Variants in ACVR1C observed in about 807,000 individuals in gnomAD.
The protein encoded by ACVR1C is activin A receptor type 1C.
A neutral mutation model predicts 57.9 loss-of-function variants in ACVR1C; 23 were observed. The ratio of observed to expected loss-of-function variants is 0.40; its 90% CI spans 0.29 to 0.56. ACVR1C has a LOEUF of 0.56. ACVR1C is among the 20% of genes least tolerant of loss of function. The probability of loss-of-function intolerance (pLI) is 0.50; values close to 1 mark genes in which losing one functional copy is unlikely to be tolerated. For missense variants in ACVR1C, 480 were observed against 607.9 expected (o/e 0.79, Z 2.21); for synonymous variants, 214 against 215.3 (o/e 0.99, Z 0.05).
intron 4 of ACVR1C, among the ~76,000 whole-genome samples, chr2:157,549,050 A>T (rs1469290876): frequency 6.6e-6 from 1 of 152,136 alleles, no homozygotes; most frequent in Non-Finnish European, 1.5e-5. Flanking sequence ...CTGGTTGGTA[A>T]ATAGCTGCTA....
In ACVR1C at chr2:157,531,142, T is replaced by C. The variant is rs1687341589; in HGVS notation, c.*2776A>G. On this transcript the variant is annotated 3_prime_UTR_variant, in exon 9 of 9. Transcript: ENST00000243349. ...CACAATGGGACTCCATTAAAAACAA[T>C]ATAACATTTGACAGCATAAGTATAT... 1 of 151,304 alleles carries C rather than the reference T, an allele frequency of 6.6e-6. No individual in the cohort carries two copies. Among genetic ancestry groups the C allele is most frequent in the Non-Finnish European group, 1.5e-5 (1 of 67,790 alleles). The allele number at this position is 151,304 out of a possible 1,614,324, so 9.4% of individuals were successfully genotyped here. A position where few individuals can be genotyped will look rare whatever the true frequency, so the allele number is the denominator to read the frequency against.
At chr2:157,553,708 A>C (rs1687976554) in intron 3 of ACVR1C, among the ~76,000 whole-genome samples, 1 of 152,224 alleles carries the variant, frequency 6.6e-6, no homozygotes, top group African/African-American at 2.4e-5. Flanking sequence ...GATTAAGCAG[A>C]GAGTTATTTA....
chr2:157,533,967 A>G lies in ACVR1C; in HGVS notation c.1433T>C (p.Ile478Thr). ...NGAARLTALR[I>T]KKTISQLCVK... is the part of the protein sequence containing the mutation. ...ACAAAGTTGAGATATAGTCTTCTTA[A>G]TACGAAGAGCAGTTAGGCGGGCCGC... The change falls in exon 9 of 9, where the codon ATT (isoleucine) becomes ACT (threonine). Residue 478 changes from isoleucine to threonine, a missense_variant. Physicochemically the swap from Ile to Thr is moderately conservative, Grantham distance 89. Coordinates refer to ENST00000243349, the MANE Select transcript of ACVR1C (RefSeq NM_145259.3). The G allele has an allele frequency of 6.3e-7, 1 of 1,596,402 alleles. No individual in the cohort carries two copies.
At chr2:157,626,416 T>C (rs1682898477) in intron 1 of ACVR1C, among the ~76,000 whole-genome samples, 1 of 152,222 alleles carries the variant, frequency 6.6e-6, no homozygotes, top group Admixed American at 6.5e-5. Context: ...GTAAAAAAGG[T>C]TTACTGGTTT....
chr2:157,529,632 T>C lies in ACVR1C; in HGVS notation c.*4286A>G, dbSNP rs1687312362. On this transcript the variant is annotated 3_prime_UTR_variant, in exon 9 of 9. Coordinates refer to ENST00000243349, the MANE Select transcript of ACVR1C (RefSeq NM_145259.3). ...TACACAAAATTGGAATAACTTTATA[T>C]AATCTCTGAGAGTACTAAGGGATTC... The C allele has an allele frequency of 1.3e-5, 2 of 152,082 alleles. No homozygotes were observed. The highest frequency in any genetic ancestry group is 4.8e-5 in the African/African-American group (2 of 41,432). 9.4% of individuals were successfully genotyped at this position (152,082 alleles called of 1,614,324 possible). A position where few individuals can be genotyped will look rare whatever the true frequency, so the allele number is the denominator to read the frequency against.
intron 1 of ACVR1C, among the ~76,000 whole-genome samples, chr2:157,615,981 G>A (rs992579288): frequency 1.3e-5 from 2 of 152,048 alleles, no homozygotes; most frequent in Non-Finnish European, 2.9e-5. Context: ...TGGTCTATTG[G>A]TGTAGGGTTT....
intron 1 of ACVR1C, chr2:157,597,605 C>T (rs1682165368): frequency 1.0e-6 from 1 of 981,102 alleles, no homozygotes; most frequent in Non-Finnish European, 1.2e-6. Flanking sequence ...ACCCGGGTAC[C>T]ATCTAGTGGC....
intron 1 of ACVR1C, chr2:157,597,428 G>A (rs1020983282): frequency 2.0e-5 from 20 of 985,430 alleles, no homozygotes; most frequent in Non-Finnish European, 2.3e-5. Context: ...CCTCCCCTTC[G>A]CCTGATGAAT....
chr2:157,588,826 A>G (rs1688988288), intron 1 of ACVR1C, among the ~76,000 whole-genome samples: 1 of 138,768 alleles, frequency 7.2e-6, no homozygotes, highest in African/African-American at 2.6e-5. Context: ...ACATATATAC[A>G]CAAATACATA....
In ACVR1C at chr2:157,577,159, A is replaced by G. The variant is rs1234972280; in HGVS notation, c.304+10028T>C. Among the ~76,000 whole-genome samples, 3 of 151,694 alleles carry G rather than the reference A, an allele frequency of 2.0e-5. No individual in the cohort carries two copies. In the East Asian group the frequency reaches 5.8e-4, roughly 29 times the overall value. On this transcript the variant is annotated intron_variant, in intron 2 of 8. Coordinates refer to ENST00000243349, the MANE Select transcript of ACVR1C (RefSeq NM_145259.3). ...CGTGAGCCACCGCGCCCGGCCTGAA[A>G]TTTTCTTAATGAGAATATATTTTTA...
intron 2 of ACVR1C, among the ~76,000 whole-genome samples, chr2:157,580,334 C>T (rs999381539): frequency 2.0e-5 from 3 of 152,056 alleles, no homozygotes; most frequent in Non-Finnish European, 4.4e-5. Context: ...ACTATAAAGT[C>T]ATAAAAAATC....
chr2:157,597,086 G>A (rs1017584042), intron 1 of ACVR1C, among the ~76,000 whole-genome samples: 1 of 152,130 alleles, frequency 6.6e-6, no homozygotes, highest in Non-Finnish European at 1.5e-5. Context: ...CCGTTCGGAG[G>A]ACGAGTCCCA....
At chr2:157,557,567 A>C (rs1035829770) in intron 2 of ACVR1C, among the ~76,000 whole-genome samples, 1 of 152,188 alleles carries the variant, frequency 6.6e-6, no homozygotes. Context: ...GGAGAGGAAG[A>C]AGTTTGCCTG....
intron 1 of ACVR1C, among the ~76,000 whole-genome samples, chr2:157,617,674 T>C (rs1046247320): frequency 2.6e-5 from 4 of 152,020 alleles, no homozygotes; most frequent in African/African-American, 4.8e-5. Flanking sequence ...TGTGTAATAA[T>C]ATGCATGCTG....
intron 1 of ACVR1C, 47 bp from the exon 2 acceptor site, chr2:157,587,464 C>A (rs930237171): frequency 3.7e-6 from 5 of 1,369,304 alleles, no homozygotes; most frequent in African/African-American, 1.4e-5. Context: ...AGACATCATG[C>A]TACTTTATTT....
chr2:157,540,813 C>T (rs974426836), intron 7 of ACVR1C, among the ~76,000 whole-genome samples: 1 of 152,180 alleles, frequency 6.6e-6, no homozygotes, highest in Non-Finnish European at 1.5e-5. Flanking sequence ...TTACAGCTTA[C>T]AAACTCAAAT....
chr2:157,616,786 A>C (rs201668106), intron 1 of ACVR1C, among the ~76,000 whole-genome samples: 1 of 152,062 alleles, frequency 6.6e-6, no homozygotes. Context: ...GAACATTAAG[A>C]AAGAATACAG....
chr2:157,583,323 T>A (rs1329120645), intron 2 of ACVR1C, among the ~76,000 whole-genome samples: 1 of 152,136 alleles, frequency 6.6e-6, no homozygotes, highest in Non-Finnish European at 1.5e-5. Flanking sequence ...AACAAAATAT[T>A]TATAAGACCT....
At chr2:157,592,325 C>T (rs192321520) in intron 1 of ACVR1C, among the ~76,000 whole-genome samples, 16 of 152,088 alleles carry the variant, frequency 1.1e-4, no homozygotes, top group East Asian at 5.8e-4. Flanking sequence ...AGGATTTATG[C>T]GGATACTCAC....
Sources: gnomAD v4.1 joint callset for allele counts (sites outside exome capture counted in the v4.1 genomes callset) on GRCh38, gnomAD v4.1.1 for gene constraint, MANE v1.5 for transcripts, NCBI Gene and HGNC (gene_info 2026-07-23, HGNC 2026-07-21) for gene names.